The following CORO6 variants were observed in gnomAD, a reference collection of about 807,000 sequenced individuals.
CORO6 encodes the protein coronin 6.
Under a neutral mutation model 49.0 loss-of-function variants are expected in CORO6, and 43 were observed. That is an observed-to-expected ratio of 0.88 (90% CI 0.69 to 1.13). The LOEUF is 1.13. CORO6 is among the 50% of genes most tolerant of loss of function. The probability of loss-of-function intolerance (pLI) is 0.00; values close to 1 mark genes in which losing one functional copy is unlikely to be tolerated. For missense variants in CORO6, 650 were observed against 647.0 expected, an observed-to-expected ratio of 1.00 and a Z score of -0.05; for synonymous variants, 233 against 256.5, an observed-to-expected ratio of 0.91 and a Z score of 0.88.
Position 29,621,730 on chromosome 17 carries a change from T to C in CORO6, c.-63-246A>G. The C allele has an allele frequency of 2.7e-6, 1 of 376,200 alleles. No homozygotes were observed. The highest frequency in any genetic ancestry group is 5.0e-6 in the Non-Finnish European group (1 of 201,390). 23.3% of individuals were successfully genotyped at this position (376,200 alleles called of 1,614,324 possible). On this transcript the variant is annotated intron_variant, in intron 1 of 10. Transcript: ENST00000388767. This position sits in a 1 kb window ranked among gnomAD's most constrained non-coding sequence, Gnocchi z 4.2. ...GGAGCCTAACAGACTGAAAGCTTTC[T>C]GGACGTTGGAATGTTTTTGGGAGGA...
At chr17:29,617,790 CT>C (rs2035064058) in intron 5 of CORO6, 171 bp from the exon 6 acceptor site, 2 of 789,678 alleles carry the variant, frequency 2.5e-6, no homozygotes, top group African/African-American at 1.8e-5. Context: ...CGTCTGGCCC[CT>C]GACCTGGAGA....
At chr17:29,622,593 G>T in intron 1 of CORO6, 95 bp downstream of exon 1, 3 of 691,570 alleles carry the variant, frequency 4.3e-6, no homozygotes, top group Non-Finnish European at 5.9e-6. Flanking sequence ...AACCGAATTT[G>T]GCGGCGCGGG....
chr17:29,618,990 C>A lies in CORO6; in HGVS notation c.452-19G>T. ...TCACCACCTGCCCAGAGTGGCCAGG[C>A]ATGGTCACCTGGGTCCCACCTTTGC... On this transcript the variant is annotated intron_variant, in intron 4 of 10. Coordinates refer to ENST00000388767, the MANE Select transcript of CORO6 (RefSeq NM_032854.4). 6.2e-7 allele frequency: 1 copy of A among 1,613,078 alleles called. No individual in the cohort carries two copies. The highest frequency in any genetic ancestry group is 8.5e-7 in the Non-Finnish European group (1 of 1,179,552).
chr17:29,617,720 G>C, intron 5 of CORO6, 101 bp from the exon 6 acceptor site: 1 of 1,290,196 alleles, frequency 7.8e-7, no homozygotes, highest in Non-Finnish European at 1.0e-6. Context: ...GTCCGGGGTG[G>C]AGGAGCGGAT....
Position 29,615,825 on chromosome 17 carries a change from C to CTCT in CORO6, c.1323_1325dup (p.Glu442dup), listed in dbSNP as rs1567802267. ...GCACCCGCTCGCGGAGGGCCTTGATCTCTTCCAGCAGCGTCTCCAGGGTGT... is the reference window on the plus strand; with the variant it reads ...GCACCCGCTCGCGGAGGGCCTTGATCTCTTCTTCCAGCAGCGTCTCCAGGGTGT... On this transcript the variant is annotated inframe_insertion, in exon 11 of 11. Transcript: ENST00000388767. 6 of 1,584,470 alleles carry CTCT rather than the reference C, an allele frequency of 3.8e-6. No homozygotes were observed. The highest frequency in any genetic ancestry group is 5.1e-6 in the Non-Finnish European group (6 of 1,166,682).
At position 29,615,728 on chromosome 17, in the gene CORO6, G is replaced by C; in HGVS notation, c.*4C>G. 3 of 1,501,326 alleles carry C rather than the reference G, an allele frequency of 2.0e-6. No homozygotes were observed. The highest frequency in any genetic ancestry group is 1.4e-5 in the African/African-American group (1 of 70,404). The allele number at this position is 1,501,326 out of a possible 1,614,324, so 93.0% of individuals were successfully genotyped here. ...GCCCCGCTCCGCCTGCCTGGCGCGC[G>C]GGGCTAGTCCGTGCCGTCCACCAGC... On this transcript the variant is annotated 3_prime_UTR_variant, in exon 11 of 11. Transcript: ENST00000388767.
chr17:29,616,574 A>C lies in CORO6; in HGVS notation c.1004+128T>G. 2 of 1,275,040 alleles carry C rather than the reference A, an allele frequency of 1.6e-6. No homozygotes were observed. The highest frequency in any genetic ancestry group is 2.2e-6 in the Non-Finnish European group (2 of 911,502). 79.0% of individuals were successfully genotyped at this position (1,275,040 alleles called of 1,614,324 possible). A position where few individuals can be genotyped will look rare whatever the true frequency, so the allele number is the denominator to read the frequency against. On this transcript the variant is annotated intron_variant, in intron 8 of 10. Coordinates refer to ENST00000388767, the MANE Select transcript of CORO6 (RefSeq NM_032854.4). This position sits in a 1 kb window ranked among gnomAD's most constrained non-coding sequence, Gnocchi z 5.6. ...TGAGCGGTGGGTCTGGCACTGAAAC[A>C]GAGCTGTCTTATCCCCCCGCCCCGC...
At position 29,616,607 on chromosome 17, in the gene CORO6, A is replaced by T; in HGVS notation, c.1004+95T>A. ...CTTATCCCCCCGCCCCGCTTTTCCA[A>T]AGCACTGCATTACTGGGGAAGCCCC... On this transcript the variant is annotated intron_variant, in intron 8 of 10. Transcript: ENST00000388767. The surrounding 1 kb of genome is among the most constrained non-coding windows in gnomAD (Gnocchi z 5.6). 6.6e-7 allele frequency: 1 copy of T among 1,508,850 alleles called. No homozygotes were observed. 93.5% of individuals were successfully genotyped at this position (1,508,850 alleles called of 1,614,324 possible). A position where few individuals can be genotyped will look rare whatever the true frequency, so the allele number is the denominator to read the frequency against.
chr17:29,618,438 G>T, intron 5 of CORO6: 1 of 1,276,550 alleles, frequency 7.8e-7, no homozygotes, highest in South Asian at 2.7e-5. Flanking sequence ...GATGCGTCTG[G>T]GTGCCGGCTG....
In CORO6 at chr17:29,621,719, T is replaced by C; in HGVS notation, c.-63-235A>G. The C allele has an allele frequency of 2.4e-6, 1 of 415,156 alleles. No individual in the cohort carries two copies. The highest frequency in any genetic ancestry group is 4.4e-6 in the Non-Finnish European group (1 of 225,578). 25.7% of individuals were successfully genotyped at this position (415,156 alleles called of 1,614,324 possible). ...GAGGGGATTGTGGAGCCTAACAGAC[T>C]GAAAGCTTTCTGGACGTTGGAATGT... On this transcript the variant is annotated intron_variant, in intron 1 of 10. Transcript: ENST00000388767. The surrounding 1 kb of genome is among the most constrained non-coding windows in gnomAD (Gnocchi z 4.2).
rs1192332788 is a variant in CORO6, at chr17:29,617,615, C to T, written c.638G>A (p.Arg213Lys). Residue 213 changes from arginine to lysine, a missense_variant, in exon 6 of 11, where the codon AGG becomes AAG. Coordinates refer to ENST00000388767, the MANE Select transcript of CORO6 (RefSeq NM_032854.4). ...CCTCATCCCCTCGTGGGCCGCAAAC[C>T]TCTCCTGGGGGGAGGGGGAGACAGG... Reference protein sequence around the residue: ...DPRKGQVVAERFAAHEGMRPM... With the variant: ...DPRKGQVVAEKFAAHEGMRPM... 1.3e-6 allele frequency: 2 copies of T among 1,595,192 alleles called. No homozygotes were observed. Among genetic ancestry groups the T allele is most frequent in the African/African-American group, 1.3e-5 (1 of 74,664 alleles).
At position 29,622,670 on chromosome 17, in the gene CORO6, G is replaced by A. The variant is rs2035368955; in HGVS notation, c.-64+18C>T. ...CTCCGCTGGCTGCGGTGACGGCCGG[G>A]TGTGGGGGGCTGGGTACCTGGTCCT... On this transcript the variant is annotated intron_variant, in intron 1 of 10. Coordinates refer to ENST00000388767, the MANE Select transcript of CORO6 (RefSeq NM_032854.4). 1 of 1,186,354 alleles carries A rather than the reference G, an allele frequency of 8.4e-7. No individual in the cohort carries two copies. The allele number at this position is 1,186,354 out of a possible 1,614,324, so 73.5% of individuals were successfully genotyped here.
At chr17:29,618,026 CGCCCGGCGCGGCCTGGCCTACCGGG>C in intron 5 of CORO6, 11 of 1,471,806 alleles carry the variant, frequency 7.5e-6, no homozygotes, top group Non-Finnish European at 9.8e-6. Context: ...CGAGCTAGCG[CGCCCGGCGCGGCCTGGCCTACCGGG>C]TCCCAGAGCG....
At chr17:29,619,021 C>A in intron 4 of CORO6, 39 bp downstream of exon 4, 1 of 1,611,934 alleles carries the variant, frequency 6.2e-7, no homozygotes, top group Non-Finnish European at 8.5e-7. Flanking sequence ...TTTGCCACCA[C>A]CCACCCATCT....
chr17:29,617,543 C>T lies in CORO6; in HGVS notation c.710G>A (p.Gly237Asp). Residue 237 changes from glycine (G) to aspartate (D), a missense_variant, in exon 6 of 11, where the codon GGC becomes GAC. Transcript: ENST00000388767. ...FTRQGHIFTT[G>D]FTRMSQRELG... ...CTCTCGCTGGCTCATGCGGGTGAAG[C>T]CCGTGGTGAAGATATGGCCCTGGCG... 1 of 1,611,240 alleles carries T rather than the reference C, an allele frequency of 6.2e-7. No homozygotes were observed. The highest frequency in any genetic ancestry group is 8.5e-7 in the Non-Finnish European group (1 of 1,179,682).
chr17:29,615,830 C>T lies in CORO6; in HGVS notation c.1321G>A (p.Glu441Lys). ...CGCTCGCGGAGGGCCTTGATCTCTTCCAGCAGCGTCTCCAGGGTGTGCTGC... is the reference window on the plus strand; with the variant it reads ...CGCTCGCGGAGGGCCTTGATCTCTTTCAGCAGCGTCTCCAGGGTGTGCTGC... Reference protein sequence around the residue: ...SQQHTLETLLEEIKALRERVQ... With the variant: ...SQQHTLETLLKEIKALRERVQ... Residue 441 changes from glutamate (E) to lysine (K), a missense_variant, in exon 11 of 11, where the codon GAA becomes AAA. Coordinates refer to ENST00000388767, the MANE Select transcript of CORO6 (RefSeq NM_032854.4). 1 of 1,587,114 alleles carries T rather than the reference C, an allele frequency of 6.3e-7. No individual in the cohort carries two copies. The highest frequency in any genetic ancestry group is 1.3e-5 in the African/African-American group (1 of 74,602).
In CORO6 at chr17:29,616,031, G is replaced by T. The variant is rs768908886; in HGVS notation, c.1207C>A (p.Leu403Ile). ...DGYVPPKHRELRVTKRNILDV... is the reference protein window; with the variant it reads ...DGYVPPKHREIRVTKRNILDV... ...AGGATGTTGCGCTTCGTGACCCGGA[G>T]CTCGCGGTGCTTGGGGGGCACATAG... Residue 403 changes from leucine (L) to isoleucine (I), a missense_variant, in exon 10 of 11, where the codon CTC becomes ATC. Physicochemically the swap from Leu to Ile is conservative, Grantham distance 5. Transcript: ENST00000388767. This position sits in a 1 kb window ranked among gnomAD's most constrained non-coding sequence, Gnocchi z 5.6. The T allele has an allele frequency of 2.0e-5, 32 of 1,609,540 alleles. No individual in the cohort carries two copies. Among genetic ancestry groups the T allele is most frequent in the Non-Finnish European group, 2.6e-5 (31 of 1,178,314 alleles).
rs1281717641 is a variant in CORO6, at chr17:29,615,040, G to C, written c.*692C>G. On this transcript the variant is annotated 3_prime_UTR_variant, in exon 11 of 11. Coordinates refer to ENST00000388767, the MANE Select transcript of CORO6 (RefSeq NM_032854.4). ...TTTTCTGAGAGAGGCAACGGCAGAGGGTTGGGGGCAGTGTGTGTGTATTTG... is the reference window on the plus strand; with the variant it reads ...TTTTCTGAGAGAGGCAACGGCAGAGCGTTGGGGGCAGTGTGTGTGTATTTG... 6.6e-6 allele frequency: 1 copy of C among 152,284 alleles called. No homozygotes were observed. Among genetic ancestry groups the C allele is most frequent in the Non-Finnish European group, 1.5e-5 (1 of 68,080 alleles). 9.4% of individuals were successfully genotyped at this position (152,284 alleles called of 1,614,324 possible).
chr17:29,618,144 G>C, intron 5 of CORO6: 1 of 1,395,430 alleles, frequency 7.2e-7, no homozygotes. Context: ...GCGGGCGGGC[G>C]CCCTCGTGAG....
Sources: gnomAD v4.1 joint callset for allele counts on GRCh38, gnomAD v4.1.1 for gene constraint, Gnocchi (gnomAD v3.1) non-coding constraint, MANE v1.5 for transcripts, NCBI Gene and HGNC (gene_info 2026-07-23, HGNC 2026-07-21) for gene names.